The following SGCZ variants were observed in gnomAD, a reference collection of about 807,000 sequenced individuals.
The protein encoded by SGCZ is sarcoglycan zeta.
SGCZ carries 40 observed loss-of-function variants against 41.3 expected under a neutral mutation model. The ratio of observed to expected loss-of-function variants is 0.97; its 90% CI spans 0.75 to 1.26. The LOEUF is 1.26. Among genes scored for constraint, SGCZ ranks in the 50% most tolerant of loss-of-function variants. SGCZ has a pLI of 0.00. For missense variants in SGCZ, 552 were observed against 369.8 expected (o/e 1.49, Z -4.04); for synonymous variants, 206 against 137.5 (o/e 1.50, Z -3.49).
intron 3 of SGCZ, among the ~76,000 whole-genome samples, chr8:14,247,022 T>G (rs556498661): frequency 6.6e-6 from 1 of 152,242 alleles, no homozygotes; most frequent in African/African-American, 2.4e-5. Flanking sequence ...GTGCTTATTA[T>G]GAAAATAAAC....
At chr8:14,639,039 T>A (rs12681635) in intron 1 of SGCZ, among the ~76,000 whole-genome samples, 33 of 16,834 alleles carry the variant, frequency 2.0e-3, no homozygotes, top group East Asian at 3.9e-3. Context: ...AACTGGAATC[T>A]TTTTTTTTTT....
intron 1 of SGCZ, among the ~76,000 whole-genome samples, chr8:14,692,304 A>T (rs1808825717): frequency 6.6e-6 from 1 of 152,108 alleles, no homozygotes; most frequent in Non-Finnish European, 1.5e-5. Flanking sequence ...AAGCATAATT[A>T]TAGATATTGT....
chr8:15,044,655 C>G (rs115879753), intron 1 of SGCZ, among the ~76,000 whole-genome samples: 1 of 151,856 alleles, frequency 6.6e-6, no homozygotes, highest in South Asian at 2.1e-4. Flanking sequence ...ATAGGTTATA[C>G]GAAAATGATT....
intron 2 of SGCZ, among the ~76,000 whole-genome samples, chr8:14,344,030 G>T (rs1487220596): frequency 6.6e-6 from 1 of 152,024 alleles, no homozygotes; most frequent in South Asian, 2.1e-4. Flanking sequence ...CCACGAAAAA[G>T]AATTAAATGG....
Position 14,766,327 on chromosome 8 carries a change from G to C in SGCZ, c.40-211401C>G, listed in dbSNP as rs142202807. The stretch of plus-strand genomic sequence containing the variant: ...ATAAAAATATATATATTATAAGGTT[G>C]ACTTGGGGTATAGTTTAGCCAGATT... On this transcript the variant is annotated intron_variant, in intron 1 of 7. Transcript: ENST00000382080. 2.6e-5 allele frequency among the ~76,000 whole-genome samples: 4 copies of C among 152,172 alleles called. 1 individual carries two copies. Among genetic ancestry groups the C allele is most frequent in the Admixed American group, 6.5e-5 (1 of 15,282 alleles).
At position 14,358,416 on chromosome 8, in the gene SGCZ, A is replaced by G. The variant is rs1057291673; in HGVS notation, c.235-34212T>C. ...TTTTTTCATTATGTTGTCATCAATC[A>G]TCTCATTACGTAAGAAGTCTTACTG... is the stretch of plus-strand genomic sequence containing the variant. On this transcript the variant is annotated intron_variant, in intron 2 of 7. Transcript: ENST00000382080. 2.6e-5 allele frequency among the ~76,000 whole-genome samples: 4 copies of G among 152,174 alleles called. No individual in the cohort carries two copies. In the East Asian group the frequency reaches 7.7e-4, roughly 29 times the overall value.
At chr8:14,609,377 A>G (rs1450770033) in intron 1 of SGCZ, among the ~76,000 whole-genome samples, 1 of 152,196 alleles carries the variant, frequency 6.6e-6, no homozygotes, top group Non-Finnish European at 1.5e-5. Flanking sequence ...GTTTCCAAGT[A>G]ATCTATCTGT....
At chr8:14,537,292 G>A (rs936657944) in intron 2 of SGCZ, among the ~76,000 whole-genome samples, 1 of 151,756 alleles carries the variant, frequency 6.6e-6, no homozygotes, top group African/African-American at 2.4e-5. Flanking sequence ...GACCAGGGTG[G>A]GGGGTCGTCT....
At chr8:15,129,095 T>C (rs1358445250) in intron 1 of SGCZ, among the ~76,000 whole-genome samples, 1 of 152,218 alleles carries the variant, frequency 6.6e-6, no homozygotes, top group Non-Finnish European at 1.5e-5. Flanking sequence ...ACTCTTGTAA[T>C]AATCCTTTCA....
At chr8:15,017,835 G>C (rs1219388721) in intron 1 of SGCZ, among the ~76,000 whole-genome samples, 2 of 152,074 alleles carry the variant, frequency 1.3e-5, no homozygotes, top group Admixed American at 1.3e-4. Context: ...ATTTAGTTGG[G>C]CTCCACTAAC....
At chr8:14,158,452 T>G (rs956908855) in intron 5 of SGCZ, among the ~76,000 whole-genome samples, 21 of 152,054 alleles carry the variant, frequency 1.4e-4, no homozygotes, top group African/African-American at 5.1e-4. Context: ...CCCACCTAGA[T>G]TGAGGGTTAG....
At chr8:14,822,378 G>A (rs1802130797) in intron 1 of SGCZ, among the ~76,000 whole-genome samples, 1 of 152,074 alleles carries the variant, frequency 6.6e-6, no homozygotes, top group Non-Finnish European at 1.5e-5. Context: ...TTCATGAACT[G>A]GAAGAATTAA....
intron 3 of SGCZ, among the ~76,000 whole-genome samples, chr8:14,268,206 A>G (rs1028144681): frequency 6.7e-6 from 1 of 149,338 alleles, no homozygotes; most frequent in Non-Finnish European, 1.5e-5. Flanking sequence ...GACTATATAT[A>G]GAAATTATAT....
intron 2 of SGCZ, among the ~76,000 whole-genome samples, chr8:14,501,960 G>A (rs74303165): frequency 2.6e-5 from 4 of 151,902 alleles, no homozygotes; most frequent in Non-Finnish European, 4.4e-5. Flanking sequence ...AAAATGAAGC[G>A]AAAAGTATAA....
At chr8:14,760,776 G>T (rs1272248564) in intron 1 of SGCZ, among the ~76,000 whole-genome samples, 1 of 152,116 alleles carries the variant, frequency 6.6e-6, no homozygotes, top group Admixed American at 6.5e-5. Context: ...TATCTCTAAT[G>T]TTGCAATATC....
chr8:14,738,118 ATCT>A (rs1266945851), intron 1 of SGCZ, among the ~76,000 whole-genome samples: 1 of 152,128 alleles, frequency 6.6e-6, no homozygotes, highest in African/African-American at 2.4e-5. Context: ...AGACGACCTC[ATCT>A]TCTAGATGAA....
At chr8:15,133,442 C>G (rs1384929715) in intron 1 of SGCZ, among the ~76,000 whole-genome samples, 1 of 152,134 alleles carries the variant, frequency 6.6e-6, no homozygotes, top group African/African-American at 2.4e-5. Context: ...GAAAATCTTT[C>G]TCAGCCTACG....
chr8:15,080,677 G>A (rs535542668), intron 1 of SGCZ, among the ~76,000 whole-genome samples: 49 of 152,162 alleles, frequency 3.2e-4, no homozygotes, highest in African/African-American at 1.2e-3. Context: ...TGCAACCTCC[G>A]CCTCTGGGGT....
chr8:15,214,693 C>T lies in SGCZ; in HGVS notation c.39+22892G>A, dbSNP rs140661349. Among the ~76,000 whole-genome samples, 507 of 152,198 alleles carry T rather than the reference C, an allele frequency of 3.3e-3. 2 individuals carry two copies. The highest frequency in any genetic ancestry group is 0.01 in the Middle Eastern group (3 of 294). ...TTTATCTTCCTAAGGGAGGCATATTCCTCACAGAGGTCATATTTAAGAAAC... is the reference window on the plus strand; with the variant it reads ...TTTATCTTCCTAAGGGAGGCATATTTCTCACAGAGGTCATATTTAAGAAAC... On this transcript the variant is annotated intron_variant, in intron 1 of 7. Coordinates refer to ENST00000382080, the MANE Select transcript of SGCZ (RefSeq NM_139167.4).
Sources: allele counts gnomAD v4.1 joint callset (sites outside exome capture counted in the v4.1 genomes callset), GRCh38; gene constraint gnomAD v4.1.1; transcripts MANE v1.5; gene names NCBI Gene and HGNC (gene_info 2026-07-23, HGNC 2026-07-21).